Variants in DNAH12 observed in about 807,000 individuals in gnomAD.
The protein encoded by DNAH12 is dynein axonemal heavy chain 12.
Under a neutral mutation model 371.5 loss-of-function variants are expected in DNAH12, and 285 were observed. The ratio of observed to expected loss-of-function variants is 0.77; its 90% CI spans 0.70 to 0.85. The LOEUF (loss-of-function observed/expected upper bound fraction) is 0.85, where lower values mean the gene tolerates loss of function less well. Ranked by LOEUF, DNAH12 falls within the 40% of genes least tolerant of loss-of-function variation. DNAH12 has a pLI of 0.00. For missense variants in DNAH12, 3,611 were observed against 3,689.4 expected (o/e 0.98, Z 0.55); for synonymous variants, 1,200 against 1,213.0 (o/e 0.99, Z 0.22).
chr3:57,491,506 T>A (rs2067124176), intron 11 of DNAH12, among the ~76,000 whole-genome samples: 1 of 152,192 alleles, frequency 6.6e-6, no homozygotes. Context: ...ATTTTAAACA[T>A]ACAAAAATAG....
At chr3:57,434,126 G>C (rs2065045659) in intron 30 of DNAH12, among the ~76,000 whole-genome samples, 1 of 152,158 alleles carries the variant, frequency 6.6e-6, no homozygotes, top group Non-Finnish European at 1.5e-5. Context: ...ACTAAGGAGA[G>C]AACTGGGAAA....
intron 66 of DNAH12, among the ~76,000 whole-genome samples, chr3:57,312,515 G>C (rs997598238): frequency 1.3e-5 from 2 of 152,176 alleles, no homozygotes; most frequent in African/African-American, 4.8e-5. Context: ...GCTCATACCA[G>C]GTGAAGATGG....
intron 29 of DNAH12, among the ~76,000 whole-genome samples, chr3:57,440,662 C>T (rs758690890): frequency 6.6e-6 from 1 of 152,078 alleles, no homozygotes; most frequent in Non-Finnish European, 1.5e-5. Flanking sequence ...GCACATGTAC[C>T]CCTTGAATCT....
rs1249087356 is a variant in DNAH12, at chr3:57,302,570, T to G, written c.11190-631A>C. ...ATATATATATATATATATATGTATTTTTTTTTTTTTTTTTTTTTTTTTTGA... is the reference window on the plus strand; with the variant it reads ...ATATATATATATATATATATGTATTGTTTTTTTTTTTTTTTTTTTTTTTGA... On this transcript the variant is annotated intron_variant, in intron 69 of 73. Coordinates refer to ENST00000495027, the MANE Select transcript of DNAH12 (RefSeq NM_001366028.2). 1.7e-4 allele frequency among the ~76,000 whole-genome samples: 14 copies of G among 80,502 alleles called. 1 individual carries two copies. The highest frequency in any genetic ancestry group is 9.5e-4 in the African/African-American group (14 of 14,804). The allele number at this position is 80,502 out of a possible 152,430, so 52.8% of individuals were successfully genotyped here.
At chr3:57,495,008 C>A (rs1255550567) in intron 11 of DNAH12, among the ~76,000 whole-genome samples, 22 of 147,500 alleles carry the variant, frequency 1.5e-4, no homozygotes, top group South Asian at 2.1e-4. Flanking sequence ...GACCCTGTCT[C>A]AAAAAAAAAA....
intron 13 of DNAH12, among the ~76,000 whole-genome samples, chr3:57,475,765 A>G (rs1483026720): frequency 3.3e-5 from 5 of 152,248 alleles, no homozygotes; most frequent in Non-Finnish European, 7.3e-5. Flanking sequence ...TAGACTGGCA[A>G]AATTTAATCC....
the DNAH12 span, among the ~76,000 whole-genome samples, chr3:57,551,561 C>T: frequency 0.013 from 1,997 of 152,064 alleles, 51 homozygotes; most frequent in African/African-American, 0.045. Context: ...TTAGCCACCG[C>T]GCCCGGCCAC....
In DNAH12 at chr3:57,404,979, C is replaced by T. The variant is rs922138222; in HGVS notation, c.6745G>A (p.Val2249Ile). The change falls in exon 42 of 74, where the codon GTC becomes ATC. Residue 2249 changes from valine to isoleucine, a missense_variant. Transcript: ENST00000495027. ...ACCATATATAGGTACCTAAAAATGA[C>T]AAGATTCATTCTTGTTTTGTGTGTT... ...NQTHKTRMNL[V>I]IFRYVLEHLS... 6.6e-7 allele frequency: 1 copy of T among 1,511,374 alleles called. No homozygotes were observed. The highest frequency in any genetic ancestry group is 8.8e-7 in the Non-Finnish European group (1 of 1,134,342). 93.6% of individuals were successfully genotyped at this position (1,511,374 alleles called of 1,614,324 possible).
chr3:57,526,649 C>T (rs2068656310), intron 2 of DNAH12, among the ~76,000 whole-genome samples: 1 of 151,656 alleles, frequency 6.6e-6, no homozygotes, highest in Non-Finnish European at 1.5e-5. Context: ...CCTCAGCCTC[C>T]CAAGTAGCTG....
chr3:57,413,758 T>A lies in DNAH12; in HGVS notation c.6008A>T (p.Asp2003Val), dbSNP rs1233909546. The A allele has an allele frequency of 1.3e-6, 2 of 1,550,722 alleles. No individual in the cohort carries two copies. The highest frequency in any genetic ancestry group is 1.7e-6 in the Non-Finnish European group (2 of 1,146,606). ...ATTAAATAGTTACCAATGTCCACAG[T>A]CAAAAAACTGTCGTAATAATTCAAT... The part of the protein sequence containing the change: ...PPIELLRQFF[D>V]CGHWYDLKDT... Residue 2003 changes from aspartate (D) to valine (V), a missense_variant, in exon 39 of 74, where the codon GAC (aspartate) becomes GTC (valine). This residue lies in a region of DNAH12 where 2,266 missense variants were observed against 2,236.9 expected (regional missense o/e 1.01). Transcript: ENST00000495027.
At chr3:57,350,479 G>C (rs1425050908) in intron 60 of DNAH12, among the ~76,000 whole-genome samples, 1 of 152,048 alleles carries the variant, frequency 6.6e-6, no homozygotes, top group Middle Eastern at 3.2e-3. Flanking sequence ...GAGCTGCATG[G>C]TAAAAATGTA....
chr3:57,542,982 C>G, intron 1 of DNAH12, 79 bp from the exon 2 acceptor site: 1 of 1,088,488 alleles, frequency 9.2e-7, no homozygotes, highest in East Asian at 2.7e-5. Flanking sequence ...CATATCAATA[C>G]CAAAAGTAAA....
chr3:57,378,046 T>A (rs2063317553), intron 52 of DNAH12, among the ~76,000 whole-genome samples: 1 of 152,134 alleles, frequency 6.6e-6, no homozygotes, highest in South Asian at 2.1e-4. Context: ...TGCACTGAAA[T>A]CATGAAAGAA....
rs1049707771 is a variant in DNAH12, at chr3:57,395,180, G to A, written c.6949-848C>T. On this transcript the variant is annotated intron_variant, in intron 43 of 73. Transcript: ENST00000495027. ...AAAATACAATGTCATGATGTTCCAT[G>A]CATATCTCTTTTCAGTTCTATTCTC... Among the ~76,000 whole-genome samples the A allele has an allele frequency of 1.0e-4, 15 of 148,664 alleles. 1 individual carries two copies. The South Asian group carries it at 2.2e-3, about 21-fold the overall frequency.
chr3:57,492,984 G>A (rs373316190), intron 11 of DNAH12, among the ~76,000 whole-genome samples: 1 of 149,550 alleles, frequency 6.7e-6, no homozygotes, highest in Non-Finnish European at 1.5e-5. Context: ...CAGCCTGGGC[G>A]ACAGGGCGAA....
At chr3:57,545,310 A>ATT (rs11431996), upstream of DNAH12, among the ~76,000 whole-genome samples, 21,412 of 147,784 alleles carry the variant, frequency 0.14, 1,669 homozygotes, top group South Asian at 0.21. Flanking sequence ...AACCCGACTA[A>ATT]TTTTTTTTCT....
At chr3:57,554,180 G>C in the DNAH12 span, among the ~76,000 whole-genome samples, 2 of 134,170 alleles carry the variant, frequency 1.5e-5, 1 homozygote, top group Non-Finnish European at 3.1e-5. Flanking sequence ...TCAGCTACTT[G>C]GGAGGCTGAG....
chr3:57,390,193 T>A (rs2063585778), intron 45 of DNAH12, among the ~76,000 whole-genome samples: 5 of 146,036 alleles, frequency 3.4e-5, no homozygotes. Flanking sequence ...ATCCCAGGAC[T>A]TTGGGAGGCT....
intron 65 of DNAH12, among the ~76,000 whole-genome samples, chr3:57,319,743 A>T (rs1362712193): frequency 2.1e-5 from 3 of 143,416 alleles, no homozygotes; most frequent in Non-Finnish European, 3.1e-5. Context: ...CACCTTGCTA[A>T]TTTTTTTTTT....
Sources: gnomAD v4.1 joint callset for allele counts (sites outside exome capture counted in the v4.1 genomes callset) on GRCh38, gnomAD v4.1.1 for gene constraint, gnomAD v4.1.1 regional missense constraint, MANE v1.5 for transcripts, NCBI Gene and HGNC (gene_info 2026-07-23, HGNC 2026-07-21) for gene names.